The following NTRK2 variants were observed in gnomAD, a reference collection of about 807,000 sequenced individuals.
NTRK2 encodes BDNF/NT-3 growth factors receptor.
A neutral mutation model predicts 94.5 loss-of-function variants in NTRK2; 13 were observed. The ratio of observed to expected loss-of-function variants is 0.14; its 90% CI spans 0.09 to 0.22. The LOEUF is 0.22. Among genes scored for constraint, NTRK2 ranks in the 10% least tolerant of loss-of-function variants. The pLI is 1.00. For synonymous variants in NTRK2, 372 were observed against 407.4 expected, an observed-to-expected ratio of 0.91 and a Z score of 1.05; for missense variants, 639 against 1,071.2, an observed-to-expected ratio of 0.60 and a Z score of 5.63.
intron 12 of NTRK2, chr9:84,812,792 C>A: frequency 9.6e-7 from 1 of 1,039,706 alleles, no homozygotes; most frequent in Non-Finnish European, 1.2e-6. Flanking sequence ...AATATTTGTA[C>A]CCAACAGCTA....
chr9:84,680,129 G>C (rs953362680), intron 2 of NTRK2, among the ~76,000 whole-genome samples: 1 of 152,146 alleles, frequency 6.6e-6, no homozygotes, highest in East Asian at 1.9e-4. Flanking sequence ...CACATTTCCT[G>C]ATTGTCATGT....
intron 12 of NTRK2, among the ~76,000 whole-genome samples, chr9:84,849,971 T>A (rs1441138034): frequency 6.6e-6 from 1 of 152,168 alleles, no homozygotes; most frequent in Non-Finnish European, 1.5e-5. Flanking sequence ...GACACTTTTC[T>A]TTTTCCCACA....
intron 14 of NTRK2, chr9:84,875,540 C>G (rs1428701675): frequency 9.4e-7 from 1 of 1,063,268 alleles, no homozygotes; most frequent in African/African-American, 1.6e-5. Flanking sequence ...AAGTTCTTCA[C>G]CCTAGCTAGC....
chr9:84,828,928 C>T (rs796586567), intron 12 of NTRK2, among the ~76,000 whole-genome samples: 1 of 151,910 alleles, frequency 6.6e-6, no homozygotes, highest in African/African-American at 2.4e-5. Context: ...CAAATGTGGA[C>T]CCTTGTACAG....
At chr9:84,966,664 CT>C (rs1489295714) in intron 17 of NTRK2, among the ~76,000 whole-genome samples, 1 of 152,132 alleles carries the variant, frequency 6.6e-6, no homozygotes, top group African/African-American at 2.4e-5. Context: ...AACTCCTGGC[CT>C]TATGATCTGC....
At chr9:84,980,147 G>A (rs1312236880) in intron 17 of NTRK2, among the ~76,000 whole-genome samples, 1 of 152,208 alleles carries the variant, frequency 6.6e-6, no homozygotes. Flanking sequence ...TTTTGTGTGT[G>A]TGTGTGCCTA....
chr9:84,981,086 T>G (rs1347687750), intron 17 of NTRK2, among the ~76,000 whole-genome samples: 1 of 152,154 alleles, frequency 6.6e-6, no homozygotes, highest in African/African-American at 2.4e-5. Context: ...CATTTAACTT[T>G]TGTTTTTGTT....
intron 17 of NTRK2, among the ~76,000 whole-genome samples, chr9:84,990,513 T>G (rs901354386): frequency 2.0e-5 from 3 of 152,218 alleles, no homozygotes; most frequent in African/African-American, 2.4e-5. Context: ...TTAAGCGAGC[T>G]TCTAGCCCTG....
At chr9:84,881,769 T>TGGGTTTG (rs1162488371) in intron 14 of NTRK2, among the ~76,000 whole-genome samples, 1 of 152,206 alleles carries the variant, frequency 6.6e-6, no homozygotes, top group East Asian at 1.9e-4. Flanking sequence ...TGTTCAGTGT[T>TGGGTTTG]GGGTTTGAAG....
intron 17 of NTRK2, among the ~76,000 whole-genome samples, chr9:85,003,092 G>A (rs1362819707): frequency 6.6e-6 from 1 of 152,134 alleles, no homozygotes. Context: ...AGTGTTTATT[G>A]TCCTATGGTT....
chr9:84,836,036 T>G (rs2073854683), intron 12 of NTRK2, among the ~76,000 whole-genome samples: 2 of 151,796 alleles, frequency 1.3e-5, no homozygotes, highest in Non-Finnish European at 2.9e-5. Context: ...GGGGCCGTCT[T>G]AGAACAGAAA....
intron 14 of NTRK2, among the ~76,000 whole-genome samples, chr9:84,927,786 T>A (rs1204310697): frequency 6.6e-6 from 1 of 152,128 alleles, no homozygotes; most frequent in Non-Finnish European, 1.5e-5. Context: ...GTCCTGTAAA[T>A]CTCAGCACAT....
Position 85,024,910 on chromosome 9 carries a change from T to A in NTRK2, c.*3473T>A, listed in dbSNP as rs1462934074. On this transcript the variant is annotated 3_prime_UTR_variant, in exon 19 of 19. Coordinates refer to ENST00000277120, the MANE Select transcript of NTRK2 (RefSeq NM_006180.6). ...CCTGTGATGTTTTCATGTATTTATG[T>A]ATGTGTTATAAATACTTGATTTATA... 4.3e-6 allele frequency: 1 copy of A among 232,936 alleles called. No individual in the cohort carries two copies. Among genetic ancestry groups the A allele is most frequent in the African/African-American group, 2.2e-5 (1 of 45,344 alleles). 14.4% of individuals were successfully genotyped at this position (232,936 alleles called of 1,614,324 possible). A position where few individuals can be genotyped will look rare whatever the true frequency, so the allele number is the denominator to read the frequency against.
At chr9:84,947,251 C>T (rs968575481) in intron 15 of NTRK2, among the ~76,000 whole-genome samples, 10 of 152,196 alleles carry the variant, frequency 6.6e-5, no homozygotes, top group Non-Finnish European at 1.2e-4. Context: ...CTACTGTACC[C>T]GGTCTCTCTT....
intron 4 of NTRK2, among the ~76,000 whole-genome samples, chr9:84,703,531 C>T (rs2060858877): frequency 6.6e-6 from 1 of 152,156 alleles, no homozygotes; most frequent in Non-Finnish European, 1.5e-5. Context: ...GGTTCGTCCT[C>T]TTTCTTTTTT....
rs2060913326 is a variant in NTRK2 at position 84,704,340 on chromosome 9, T to C, written c.359+1921T>C. Among the ~76,000 whole-genome samples, 3 of 148,474 alleles carry C rather than the reference T, an allele frequency of 2.0e-5. No homozygotes were observed. In the South Asian group the frequency reaches 6.6e-4, roughly 33 times the overall value. On this transcript the variant is annotated intron_variant, in intron 4 of 18. Transcript: ENST00000277120. ...GCCTCCTGGGTTCATGCCATTCTCC[T>C]GCCTCAGCCTCTCCAGTAGCTGGGA... is the stretch of plus-strand genomic sequence containing the variant.
intron 5 of NTRK2, 90 bp from the exon 6 acceptor site, chr9:84,710,547 A>G (rs1305167952): frequency 3.1e-5 from 43 of 1,371,422 alleles, no homozygotes; most frequent in Non-Finnish European, 4.3e-5. Flanking sequence ...CTGGCTAGAA[A>G]GAATTCATAA....
intron 14 of NTRK2, among the ~76,000 whole-genome samples, chr9:84,886,229 A>G (rs986775388): frequency 1.1e-4 from 16 of 152,220 alleles, no homozygotes; most frequent in African/African-American, 3.9e-4. Context: ...GTGCCACACA[A>G]AGAAATTCAC....
chr9:84,766,947 T>C (rs2066092680), intron 12 of NTRK2, among the ~76,000 whole-genome samples: 1 of 152,126 alleles, frequency 6.6e-6, no homozygotes, highest in Admixed American at 6.6e-5. Flanking sequence ...AATGATGGCT[T>C]GAGGTTTCTA....
Sources: gnomAD v4.1 joint callset for allele counts (sites outside exome capture counted in the v4.1 genomes callset) on GRCh38, gnomAD v4.1.1 for gene constraint, MANE v1.5 for transcripts, NCBI Gene and HGNC (gene_info 2026-07-23, HGNC 2026-07-21) for gene names.